The following KLHL5 variants were observed in gnomAD, a reference collection of about 807,000 sequenced individuals.
The protein encoded by KLHL5 is kelch-like protein 5.
A neutral mutation model predicts 77.7 loss-of-function variants in KLHL5; 48 were observed. The observed-to-expected ratio is 0.62, with a 90% CI of 0.49 to 0.79. The LOEUF (loss-of-function observed/expected upper bound fraction) is 0.79, where lower values mean the gene tolerates loss of function less well. KLHL5 is among the 30% of genes least tolerant of loss of function. The probability of loss-of-function intolerance (pLI) is 0.00; values close to 1 mark genes in which losing one functional copy is unlikely to be tolerated. For synonymous variants in KLHL5, 260 were observed against 297.0 expected, an observed-to-expected ratio of 0.88 and a Z score of 1.28; for missense variants, 723 against 859.7, an observed-to-expected ratio of 0.84 and a Z score of 1.99.
intron 1 of KLHL5, among the ~76,000 whole-genome samples, chr4:39,070,847 G>C (rs992116849): frequency 2.7e-5 from 4 of 146,578 alleles, no homozygotes; most frequent in African/African-American, 1.0e-4. Context: ...CAATTGCCTT[G>C]TCTCCTCTTC....
rs1717496351 is a variant in KLHL5, at chr4:39,062,378, G to T, written c.-275G>T. 4.8e-6 allele frequency: 7 copies of T among 1,445,576 alleles called. 1 individual carries two copies. The Admixed American group carries it at 2.0e-4, about 41-fold the overall frequency. The allele number at this position is 1,445,576 out of a possible 1,614,324, so 89.5% of individuals were successfully genotyped here. On this transcript the variant is annotated 5_prime_UTR_variant, in exon 1 of 11. Transcript: ENST00000504108. ...TATGGGAAAGGAGAGCCGGGAAAGT[G>T]GTCTAGCTGCTTCAGGATAGGTGGA... is the stretch of plus-strand genomic sequence containing the variant.
At chr4:39,089,715 AGAT>A (rs1430191584) in intron 5 of KLHL5, among the ~76,000 whole-genome samples, 5 of 152,228 alleles carry the variant, frequency 3.3e-5, no homozygotes, top group African/African-American at 1.2e-4. Context: ...CCTAACAGGA[AGAT>A]CAGCACTACT....
intron 10 of KLHL5, chr4:39,116,445 G>C (rs767426607): frequency 2.6e-5 from 4 of 152,192 alleles, no homozygotes; most frequent in Non-Finnish European, 4.4e-5. Context: ...ACAAGGCAGT[G>C]GGTATTTAGT....
downstream of KLHL5, among the ~76,000 whole-genome samples, chr4:39,129,355 G>T (rs1051587921): frequency 1.3e-5 from 2 of 152,144 alleles, no homozygotes; most frequent in African/African-American, 4.8e-5. The surrounding 1 kb of genome is among the most constrained non-coding windows in gnomAD (Gnocchi z 4.2). Context: ...TTACAGGCAT[G>T]TGCCACTACA....
At chr4:39,099,035 C>T (rs984006024) in intron 6 of KLHL5, among the ~76,000 whole-genome samples, 2 of 152,142 alleles carry the variant, frequency 1.3e-5, no homozygotes, top group African/African-American at 2.4e-5. Flanking sequence ...GTAATCCCTG[C>T]ACTTTGGGAG....
rs151161244 is a variant in KLHL5 at position 39,122,881 on chromosome 4, G to A, written c.*1815G>A. 0.011 allele frequency among the ~76,000 whole-genome samples: 1,653 copies of A among 151,858 alleles called. 14 individuals are homozygous for A. The highest frequency in any genetic ancestry group is 0.017 in the Middle Eastern group (5 of 294). On this transcript the variant is annotated 3_prime_UTR_variant, in exon 11 of 11. Coordinates refer to ENST00000504108, the MANE Select transcript of KLHL5 (RefSeq NM_015990.5). ...AGGAATTATTTTAATAAAAAAAAGA[G>A]GGTTTATGCTCTATAGTAATAAAAT...
At chr4:39,094,608 T>C (rs1436503008) in intron 5 of KLHL5, among the ~76,000 whole-genome samples, 1 of 151,798 alleles carries the variant, frequency 6.6e-6, no homozygotes, top group Non-Finnish European at 1.5e-5. Flanking sequence ...CAGAATATGC[T>C]ATAAAGACAC....
rs151197814 is a variant in KLHL5 at position 39,081,966 on chromosome 4, G to A, written c.707G>A (p.Arg236His). The A allele has an allele frequency of 2.8e-4, 450 of 1,581,078 alleles. 1 individual carries two copies. The African/African-American group carries it at 4.0e-3, about 14-fold the overall frequency. ...WSLIQYAYTGRLELKEDNIEC... is the reference protein window; with the variant it reads ...WSLIQYAYTGHLELKEDNIEC... Reference sequence around the variant, plus strand: ...GGAATTTCTTTTTATCATTAAGGCCGCCTTGAATTAAAAGAAGATAATATT... The same window carrying A: ...GGAATTTCTTTTTATCATTAAGGCCACCTTGAATTAAAAGAAGATAATATT... The change falls in exon 4 of 11, where the codon CGC becomes CAC. Residue 236 changes from arginine to histidine, a missense_variant. By Grantham distance (29) the Arg-to-His change is conservative (BLOSUM62 0). Transcript: ENST00000504108. This position sits in a 1 kb window ranked among gnomAD's most constrained non-coding sequence, Gnocchi z 4.3.
intron 1 of KLHL5, among the ~76,000 whole-genome samples, chr4:39,055,111 A>G (rs1285972172): frequency 6.6e-6 from 1 of 152,222 alleles, no homozygotes; most frequent in Non-Finnish European, 1.5e-5. Context: ...CTAAGAGACT[A>G]GGGAAAAAGT....
intron 2 of KLHL5, among the ~76,000 whole-genome samples, chr4:39,080,321 G>A (rs1214665598): frequency 6.6e-6 from 1 of 152,032 alleles, no homozygotes; most frequent in Non-Finnish European, 1.5e-5. Flanking sequence ...AAGGCCAGGA[G>A]TTCAAGACCA....
intron 8 of KLHL5, among the ~76,000 whole-genome samples, chr4:39,110,284 T>C (rs1419887946): frequency 2.6e-5 from 4 of 152,178 alleles, no homozygotes; most frequent in Non-Finnish European, 4.4e-5. Context: ...GTCTTGATTG[T>C]CTAATATGAG....
chr4:39,108,448 A>G (rs1400163750), intron 8 of KLHL5, among the ~76,000 whole-genome samples: 1 of 152,170 alleles, frequency 6.6e-6, no homozygotes, highest in African/African-American at 2.4e-5. Context: ...AATTAAAATT[A>G]TGTATAGAAT....
At position 39,081,376 on chromosome 4, in the gene KLHL5, C is replaced by G. The variant is rs1360476963; in HGVS notation, c.703+137C>G. On this transcript the variant is annotated intron_variant, in intron 3 of 10. Coordinates refer to ENST00000504108, the MANE Select transcript of KLHL5 (RefSeq NM_015990.5). The surrounding 1 kb of genome is among the most constrained non-coding windows in gnomAD (Gnocchi z 4.3). ...GTCATTACTACCCTTTGTATTTAACCTGGTGATGAATTAAAATTTCCATAC... is the reference window on the plus strand; with the variant it reads ...GTCATTACTACCCTTTGTATTTAACGTGGTGATGAATTAAAATTTCCATAC... 3.4e-6 allele frequency: 2 copies of G among 587,376 alleles called. No individual in the cohort carries two copies. The highest frequency in any genetic ancestry group is 5.3e-6 in the Non-Finnish European group (2 of 380,508). The allele number at this position is 587,376 out of a possible 1,614,324, so 36.4% of individuals were successfully genotyped here. A position where few individuals can be genotyped will look rare whatever the true frequency, so the allele number is the denominator to read the frequency against.
chr4:39,110,477 G>A (rs978642882), intron 8 of KLHL5, among the ~76,000 whole-genome samples: 36 of 151,846 alleles, frequency 2.4e-4, no homozygotes, highest in African/African-American at 8.7e-4. Flanking sequence ...TTTTACTTTT[G>A]AGACAGGGTC....
chr4:39,091,168 T>C (rs1450527108), intron 5 of KLHL5, among the ~76,000 whole-genome samples: 1 of 151,838 alleles, frequency 6.6e-6, no homozygotes, highest in African/African-American at 2.4e-5. Context: ...TTTGTATTTT[T>C]AGTAGAGACA....
chr4:39,056,005 T>C (rs1337935428), intron 1 of KLHL5, among the ~76,000 whole-genome samples: 1 of 152,234 alleles, frequency 6.6e-6, no homozygotes, highest in Non-Finnish European at 1.5e-5. Flanking sequence ...TACATGGCTT[T>C]TACCATGAAG....
chr4:39,112,427 C>T (rs1306877839), intron 8 of KLHL5, among the ~76,000 whole-genome samples: 1 of 152,110 alleles, frequency 6.6e-6, no homozygotes, highest in Non-Finnish European at 1.5e-5. Flanking sequence ...TGTTGACTGT[C>T]CAACTGTTCA....
the KLHL5 span, among the ~76,000 whole-genome samples, chr4:39,141,432 T>C: frequency 6.7e-5 from 10 of 148,678 alleles, no homozygotes; most frequent in Non-Finnish European, 1.3e-4. Context: ...CCTCAGCCTC[T>C]CGAGTAGCTG....
intron 10 of KLHL5, among the ~76,000 whole-genome samples, chr4:39,116,879 T>C (rs1413671321): frequency 6.6e-6 from 1 of 152,076 alleles, no homozygotes; most frequent in African/African-American, 2.4e-5. Flanking sequence ...TCTCGTCACC[T>C]AGGCTGGAGT....
Sources: allele counts gnomAD v4.1 joint callset (sites outside exome capture counted in the v4.1 genomes callset), GRCh38; gene constraint gnomAD v4.1.1; non-coding constraint Gnocchi (gnomAD v3.1); transcripts MANE v1.5; gene names NCBI Gene and HGNC (gene_info 2026-07-23, HGNC 2026-07-21).